PPP2R5A: variants seen among roughly 807,000 people sequenced by gnomAD.
The protein encoded by PPP2R5A is protein phosphatase 2 regulatory subunit B'alpha.
PPP2R5A carries 25 observed loss-of-function variants against 64.2 expected under a neutral mutation model. The ratio of observed to expected loss-of-function variants is 0.39; its 90% CI spans 0.28 to 0.54. The LOEUF (loss-of-function observed/expected upper bound fraction) is 0.54, where lower values mean the gene tolerates loss of function less well. Among genes scored for constraint, PPP2R5A ranks in the 20% least tolerant of loss-of-function variants. The probability of loss-of-function intolerance (pLI) is 0.67; values close to 1 mark genes in which losing one functional copy is unlikely to be tolerated. For synonymous variants in PPP2R5A, 198 were observed against 201.2 expected (o/e 0.98, Z 0.13); for missense variants, 425 against 576.3 (o/e 0.74, Z 2.69).
intron 8 of PPP2R5A, among the ~76,000 whole-genome samples, chr1:212,353,598 CAT>C (rs1659925180): frequency 6.6e-6 from 1 of 152,126 alleles, no homozygotes; most frequent in African/African-American, 2.4e-5. Flanking sequence ...TCTAGATACT[CAT>C]ATATATCTTT....
intron 1 of PPP2R5A, among the ~76,000 whole-genome samples, chr1:212,319,743 C>T (rs1373561411): frequency 6.6e-6 from 1 of 150,530 alleles, no homozygotes. Context: ...GTCTCAGTCT[C>T]CCGAGTAGCT....
chr1:212,313,317 C>T (rs1659074470), intron 1 of PPP2R5A, among the ~76,000 whole-genome samples: 1 of 152,120 alleles, frequency 6.6e-6, no homozygotes, highest in South Asian at 2.1e-4. Flanking sequence ...GTCTTGCCCA[C>T]ACTTTTTGTC....
rs546941602 is a variant in PPP2R5A at position 212,296,554 on chromosome 1, G to A, written c.181+10263G>A. Among the ~76,000 whole-genome samples the A allele has an allele frequency of 9.9e-5, 15 of 152,282 alleles. No homozygotes were observed. The South Asian group carries it at 1.9e-3, about 19-fold the overall frequency. On this transcript the variant is annotated intron_variant, in intron 1 of 12. Coordinates refer to ENST00000261461, the MANE Select transcript of PPP2R5A (RefSeq NM_006243.4). The stretch of plus-strand genomic sequence containing the variant: ...CCCTACTCTATAGAACATCTTCTGT[G>A]TACACTGCATGATAAGATGTCATTG...
chr1:212,335,030 A>G (rs1479858203), intron 3 of PPP2R5A, among the ~76,000 whole-genome samples: 1 of 151,926 alleles, frequency 6.6e-6, no homozygotes, highest in Non-Finnish European at 1.5e-5. Context: ...GTATGTTGCT[A>G]TACTTGATGG....
intron 1 of PPP2R5A, chr1:212,309,204 G>A (rs1658978378): frequency 1.4e-6 from 2 of 1,385,610 alleles, no homozygotes; most frequent in Admixed American, 1.7e-5. Context: ...TCTGGTGCTT[G>A]TTGGCTTTAA....
At position 212,360,934 on chromosome 1, in the gene PPP2R5A, G is replaced by A. The variant is rs1420789753; in HGVS notation, c.*164G>A. The A allele has an allele frequency of 1.4e-5, 7 of 490,830 alleles. No homozygotes were observed. The highest frequency in any genetic ancestry group is 3.6e-5 in the East Asian group (1 of 27,422). 30.4% of individuals were successfully genotyped at this position (490,830 alleles called of 1,614,324 possible). A position where few individuals can be genotyped will look rare whatever the true frequency, so the allele number is the denominator to read the frequency against. The stretch of plus-strand genomic sequence containing the variant: ...TATGGACTAAACGTAGCCCTGTGCT[G>A]TATCATGGCCATAGTATATTGTAAC... On this transcript the variant is annotated 3_prime_UTR_variant, in exon 13 of 13. Transcript: ENST00000261461.
intron 1 of PPP2R5A, chr1:212,301,910 G>A (rs1658804821): frequency 7.6e-7 from 1 of 1,323,238 alleles, no homozygotes; most frequent in African/African-American, 1.5e-5. Flanking sequence ...TTTCCTCTAA[G>A]GAAAATTATA....
At chr1:212,332,822 T>A (rs911990026) in intron 2 of PPP2R5A, among the ~76,000 whole-genome samples, 3 of 152,134 alleles carry the variant, frequency 2.0e-5, no homozygotes, top group Non-Finnish European at 4.4e-5. Flanking sequence ...ATAAGTAGAA[T>A]TAGTAACTTT....
At chr1:212,333,005 G>A (rs1455225930) in intron 2 of PPP2R5A, among the ~76,000 whole-genome samples, 2 of 151,598 alleles carry the variant, frequency 1.3e-5, no homozygotes, top group East Asian at 1.9e-4. Context: ...GGGCTCAAGC[G>A]ATTCTCCTGC....
At chr1:212,346,759 T>G (rs1197336931) in intron 5 of PPP2R5A, among the ~76,000 whole-genome samples, 2 of 152,162 alleles carry the variant, frequency 1.3e-5, no homozygotes, top group East Asian at 3.9e-4. Context: ...CTGGCAAAAT[T>G]TGGTTACTAT....
chr1:212,337,605 CT>C, intron 3 of PPP2R5A, among the ~76,000 whole-genome samples: 1 of 152,240 alleles, frequency 6.6e-6, no homozygotes, highest in Non-Finnish European at 1.5e-5. Flanking sequence ...AATGCACTAA[CT>C]TTATAGCCAC....
chr1:212,302,812 G>C (rs1241402455), intron 1 of PPP2R5A, among the ~76,000 whole-genome samples: 1 of 152,118 alleles, frequency 6.6e-6, no homozygotes, highest in Non-Finnish European at 1.5e-5. Context: ...CCCTATTCTG[G>C]ACATTTCATG....
chr1:212,310,662 A>G (rs1659012346), intron 1 of PPP2R5A, among the ~76,000 whole-genome samples: 1 of 152,334 alleles, frequency 6.6e-6, no homozygotes, highest in East Asian at 1.9e-4. Flanking sequence ...CCAGTGTGGA[A>G]TCACAACTTT....
intron 2 of PPP2R5A, among the ~76,000 whole-genome samples, chr1:212,332,138 A>G (rs1659515888): frequency 6.6e-6 from 1 of 152,198 alleles, no homozygotes; most frequent in South Asian, 2.1e-4. Flanking sequence ...ATGTCCATCA[A>G]ACTGTTTATT....
At chr1:212,301,898 G>T (rs978948150) in intron 1 of PPP2R5A, 10 of 1,327,742 alleles carry the variant, frequency 7.5e-6, no homozygotes, top group Middle Eastern at 2.8e-4. Flanking sequence ...AATTAGGGAT[G>T]TTTTCCTCTA....
chr1:212,351,053 A>C (rs1268683168), intron 8 of PPP2R5A, among the ~76,000 whole-genome samples: 3 of 151,914 alleles, frequency 2.0e-5, no homozygotes, highest in Admixed American at 6.6e-5. Context: ...CCGAGGCACA[A>C]GAATCACTTG....
At chr1:212,357,763 A>G (rs1660004576) in intron 11 of PPP2R5A, among the ~76,000 whole-genome samples, 1 of 147,824 alleles carries the variant, frequency 6.8e-6, no homozygotes, top group Non-Finnish European at 1.5e-5. Flanking sequence ...AGATTGTGCC[A>G]CCGCACTCTA....
At chr1:212,319,859 G>C (rs1558145894) in intron 1 of PPP2R5A, among the ~76,000 whole-genome samples, 1 of 151,478 alleles carries the variant, frequency 6.6e-6, no homozygotes, top group East Asian at 1.9e-4. Flanking sequence ...CTGACCTCAG[G>C]TGATCCGCCC....
chr1:212,308,826 C>T (rs1558142427), intron 1 of PPP2R5A, among the ~76,000 whole-genome samples: 1 of 152,040 alleles, frequency 6.6e-6, no homozygotes, highest in Non-Finnish European at 1.5e-5. Context: ...TTTTCAAGTT[C>T]CCCAATTCTT....
Sources: allele counts gnomAD v4.1 joint callset (sites outside exome capture counted in the v4.1 genomes callset), GRCh38; gene constraint gnomAD v4.1.1; transcripts MANE v1.5; gene names NCBI Gene and HGNC (gene_info 2026-07-23, HGNC 2026-07-21).